PATJ: variants seen among roughly 807,000 people sequenced by gnomAD.
PATJ encodes the protein PATJ crumbs cell polarity complex component, also known as inaD-like protein.
Under a neutral mutation model 224.9 loss-of-function variants are expected in PATJ, and 190 were observed. That is an observed-to-expected ratio of 0.84 (90% CI 0.75 to 0.95). The LOEUF (loss-of-function observed/expected upper bound fraction) is 0.95, where lower values mean the gene tolerates loss of function less well. Among genes scored for constraint, PATJ ranks in the 40% least tolerant of loss-of-function variants. The pLI is 0.00. For missense variants in PATJ, 2,121 were observed against 2,270.3 expected, an observed-to-expected ratio of 0.93 and a Z score of 1.34; for synonymous variants, 769 against 820.3, an observed-to-expected ratio of 0.94 and a Z score of 1.07.
chr1:61,885,996 G>T (rs571371787), intron 22 of PATJ, among the ~76,000 whole-genome samples: 40 of 149,938 alleles, frequency 2.7e-4, no homozygotes, highest in Non-Finnish European at 5.3e-4. Flanking sequence ...ATGGACACAG[G>T]AAGAGGAACA....
At chr1:61,967,647 T>C (rs1443809193) in intron 27 of PATJ, among the ~76,000 whole-genome samples, 3 of 152,234 alleles carry the variant, frequency 2.0e-5, no homozygotes, top group Non-Finnish European at 4.4e-5. Context: ...GAAAGGACTG[T>C]TGCAGTATTA....
At chr1:62,081,294 TTCA>T (rs1428971708) in intron 32 of PATJ, among the ~76,000 whole-genome samples, 1 of 152,148 alleles carries the variant, frequency 6.6e-6, no homozygotes, top group Admixed American at 6.6e-5. Context: ...ATAAATGAAG[TTCA>T]TCATCCTACA....
At chr1:62,134,330 CTTTTTTTTT>C (rs779235130) in intron 41 of PATJ, among the ~76,000 whole-genome samples, 27 of 96,496 alleles carry the variant, frequency 2.8e-4, no homozygotes, top group African/African-American at 1.2e-3. Flanking sequence ...CCAGCCCTCT[CTTTTTTTTT>C]TTTTTTTTTT....
intron 33 of PATJ, among the ~76,000 whole-genome samples, chr1:62,089,386 C>CA (rs1660438477): frequency 8.4e-6 from 1 of 118,856 alleles, no homozygotes; most frequent in Non-Finnish European, 1.6e-5. Flanking sequence ...TGTGAGGCAG[C>CA]TAAAAAAAAA....
chr1:61,808,142 G>A (rs1262757229), intron 13 of PATJ, among the ~76,000 whole-genome samples: 1 of 152,140 alleles, frequency 6.6e-6, no homozygotes. Flanking sequence ...TGTCAAAAGA[G>A]TAAAATTTTT....
chr1:61,992,230 G>A (rs1645108723), intron 28 of PATJ, among the ~76,000 whole-genome samples: 2 of 150,588 alleles, frequency 1.3e-5, no homozygotes, highest in Non-Finnish European at 2.9e-5. Context: ...AGATTTTCCT[G>A]CCTCAGCCTC....
rs117473132 is a variant in PATJ, at chr1:62,051,010, C to T, written c.4077C>T (p.Ser1359=). ...CTATTAGTAGTGAGGAAGATGGCAGCGTCGAAGTTGGTATTAAACAATTGC... is the reference window on the plus strand; with the variant it reads ...CTATTAGTAGTGAGGAAGATGGCAGTGTCGAAGTTGGTATTAAACAATTGC... ...TEPISSEEDG[S]VEVGIKQLPE... The change falls in exon 31 of 44, where the codon AGC becomes AGT. Residue 1359 remains serine (S), a synonymous_variant. Coordinates refer to ENST00000642238, the MANE Select transcript of PATJ (RefSeq NM_001350145.3). The T allele has an allele frequency of 2.3e-4, 370 of 1,613,980 alleles. No individual in the cohort carries two copies. The East Asian group carries it at 5.6e-3, about 24-fold the overall frequency.
chr1:62,160,003 G>A (rs897600998), intron 43 of PATJ, among the ~76,000 whole-genome samples: 2 of 152,010 alleles, frequency 1.3e-5, no homozygotes, highest in Admixed American at 6.6e-5. Flanking sequence ...TGATTGAGTC[G>A]GTCGAGGGCC....
intron 14 of PATJ, among the ~76,000 whole-genome samples, chr1:61,813,617 A>G (rs983173679): frequency 1.3e-5 from 2 of 151,932 alleles, no homozygotes; most frequent in Non-Finnish European, 2.9e-5. Flanking sequence ...TTCCTGTCCT[A>G]TAGAACTTAT....
chr1:62,149,128 CA>C (rs773276557), intron 42 of PATJ, among the ~76,000 whole-genome samples: 6,905 of 60,412 alleles, frequency 0.11, 149 homozygotes, highest in South Asian at 0.23. Context: ...AACTCCATCT[CA>C]AAAAAAAAAA....
chr1:61,949,834 A>G (rs1354220036), intron 27 of PATJ, among the ~76,000 whole-genome samples: 1 of 152,018 alleles, frequency 6.6e-6, no homozygotes, highest in Non-Finnish European at 1.5e-5. Flanking sequence ...TGAACCTGGC[A>G]GAGGCTGCAG....
At chr1:61,832,206 G>A (rs1038148141) in intron 16 of PATJ, among the ~76,000 whole-genome samples, 6 of 152,052 alleles carry the variant, frequency 3.9e-5, no homozygotes, top group African/African-American at 1.4e-4. Context: ...GTGGGGATGA[G>A]AAAACTACCT....
At chr1:62,102,931 A>G (rs7512777) in intron 33 of PATJ, among the ~76,000 whole-genome samples, 28,665 of 150,822 alleles carry the variant, frequency 0.19, 2,834 homozygotes, top group South Asian at 0.33. Context: ...GAGGGGGCCT[A>G]TGCATCATGC....
chr1:61,769,513 A>C, intron 5 of PATJ, 91 bp downstream of exon 5: 1 of 1,335,830 alleles, frequency 7.5e-7, no homozygotes, highest in East Asian at 2.3e-5. Flanking sequence ...TAATAAAAAC[A>C]GTAACAGTAA....
intron 27 of PATJ, among the ~76,000 whole-genome samples, chr1:61,932,725 C>T (rs565780874): frequency 6.6e-6 from 1 of 152,196 alleles, no homozygotes; most frequent in Admixed American, 6.5e-5. Context: ...CATGGTGAAA[C>T]CCCGTCTCTA....
chr1:61,930,775 T>A (rs539918406), intron 27 of PATJ, among the ~76,000 whole-genome samples: 1 of 152,264 alleles, frequency 6.6e-6, no homozygotes, highest in South Asian at 2.1e-4. Flanking sequence ...TGGCATGATC[T>A]CAGCTCACTG....
chr1:61,894,891 A>G (rs1413407086), intron 22 of PATJ, among the ~76,000 whole-genome samples: 1 of 152,254 alleles, frequency 6.6e-6, no homozygotes, highest in Admixed American at 6.5e-5. Flanking sequence ...ACTTTTGACC[A>G]AATGCTGATA....
chr1:62,104,408 TTTTCTTTTGAA>T (rs1385368200), intron 33 of PATJ, among the ~76,000 whole-genome samples: 1 of 152,108 alleles, frequency 6.6e-6, no homozygotes, highest in African/African-American at 2.4e-5. Context: ...ATAAATCAGG[TTTTCTTTTGAA>T]TTCACGAGCC....
At chr1:61,890,030 G>T (rs1669380379) in intron 22 of PATJ, among the ~76,000 whole-genome samples, 2 of 152,178 alleles carry the variant, frequency 1.3e-5, no homozygotes, top group Admixed American at 6.5e-5. Context: ...GGGGGACATG[G>T]ACATTTCTCA....
Sources: allele counts gnomAD v4.1 joint callset (sites outside exome capture counted in the v4.1 genomes callset), GRCh38; gene constraint gnomAD v4.1.1; transcripts MANE v1.5; gene names NCBI Gene and HGNC (gene_info 2026-07-23, HGNC 2026-07-21).